Variants in CA10 observed in about 807,000 individuals in gnomAD.
The protein encoded by CA10 is carbonic anhydrase 10 (inactive).
A neutral mutation model predicts 44.2 loss-of-function variants in CA10; 14 were observed. The ratio of observed to expected loss-of-function variants is 0.32; its 90% confidence interval spans 0.21 to 0.50. The LOEUF (loss-of-function observed/expected upper bound fraction) is 0.50. CA10 is among the 20% of genes least tolerant of loss of function. CA10 has a pLI of 0.99. For synonymous variants in CA10, 159 were observed against 141.6 expected (o/e 1.12, Z -0.87); for missense variants, 350 against 409.7 (o/e 0.85, Z 1.26).
chr17:51,678,920 G>A (rs1253372861), intron 4 of CA10, among the ~76,000 whole-genome samples: 6 of 152,158 alleles, frequency 3.9e-5, no homozygotes, highest in Non-Finnish European at 5.9e-5. Context: ...AGGAAACTAA[G>A]CTTTGGGAGA....
intron 4 of CA10, among the ~76,000 whole-genome samples, chr17:51,665,247 G>C (rs1432912838): frequency 6.6e-6 from 1 of 152,104 alleles, no homozygotes. Context: ...AACACACACT[G>C]GTTTATTTCA....
At chr17:51,856,361 A>AAAC (rs3033577) in intron 3 of CA10, among the ~76,000 whole-genome samples, 31,118 of 150,380 alleles carry the variant, frequency 0.21, 3,911 homozygotes, top group Admixed American at 0.28. Flanking sequence ...CATTTCAGTA[A>AAAC]AACAACAACA....
At chr17:51,825,232 A>T (rs1397970087) in intron 3 of CA10, among the ~76,000 whole-genome samples, 2 of 152,260 alleles carry the variant, frequency 1.3e-5, no homozygotes, top group Non-Finnish European at 2.9e-5. Flanking sequence ...GAATGCATAA[A>T]ACTGCTGAAG....
At chr17:51,947,347 A>G (rs1156829237) in intron 2 of CA10, among the ~76,000 whole-genome samples, 1 of 152,100 alleles carries the variant, frequency 6.6e-6, no homozygotes, top group Non-Finnish European at 1.5e-5. Context: ...AGAGCCTCAT[A>G]AAATCCGACA....
chr17:51,861,185 A>C (rs1042487648), intron 3 of CA10, among the ~76,000 whole-genome samples: 2 of 152,082 alleles, frequency 1.3e-5, no homozygotes, highest in African/African-American at 4.8e-5. Flanking sequence ...CACGGGAGAG[A>C]TCTGATACTC....
chr17:51,741,824 T>C (rs1904472984), intron 4 of CA10, among the ~76,000 whole-genome samples: 1 of 152,238 alleles, frequency 6.6e-6, no homozygotes, highest in Admixed American at 6.5e-5. Flanking sequence ...ATGATCAATA[T>C]AAAATTCCCA....
intron 4 of CA10, among the ~76,000 whole-genome samples, chr17:51,704,492 C>A (rs1414722278): frequency 6.6e-6 from 1 of 152,226 alleles, no homozygotes; most frequent in East Asian, 1.9e-4. Flanking sequence ...TCAAGGAATG[C>A]TCTCTAAGAT....
chr17:51,862,407 C>A (rs920442317), intron 3 of CA10, among the ~76,000 whole-genome samples: 2 of 150,490 alleles, frequency 1.3e-5, no homozygotes, highest in African/African-American at 5.0e-5. Flanking sequence ...TGAGACAGAA[C>A]CAGCCTTTAA....
At chr17:51,727,071 T>C (rs1916550995) in intron 4 of CA10, among the ~76,000 whole-genome samples, 1 of 152,226 alleles carries the variant, frequency 6.6e-6, no homozygotes, top group Admixed American at 6.5e-5. Flanking sequence ...AGCTATTTGC[T>C]AAACCTCTTC....
chr17:51,824,601 G>C (rs1489146451), intron 3 of CA10, among the ~76,000 whole-genome samples: 5 of 152,116 alleles, frequency 3.3e-5, no homozygotes, highest in Admixed American at 6.6e-5. Flanking sequence ...TTTTGCCTCA[G>C]ACTTCAATAT....
intron 1 of CA10, among the ~76,000 whole-genome samples, chr17:52,113,520 C>T (rs1354690400): frequency 6.6e-6 from 1 of 152,114 alleles, no homozygotes; most frequent in Non-Finnish European, 1.5e-5. Context: ...GAAAGCAAGA[C>T]AAGCCCATGA....
rs2143605799 is a variant in CA10 at position 51,747,672 on chromosome 17, C to T, written c.426G>A (p.Gly142=). The part of the protein sequence containing the change: ...RLHFGSEDSQ[G]SEHLLNGQAF... ...CCTGTCCATTGAGGAGGTGCTCCGA[C>T]CCTTGGCTGTCCTCACTCCCAAAGT... is the stretch of plus-strand genomic sequence containing the variant. Residue 142 remains glycine, a synonymous_variant, in exon 4 of 9, where the codon GGG becomes GGA. Coordinates refer to ENST00000451037, the MANE Select transcript of CA10 (RefSeq NM_020178.5). 3 of 1,614,088 alleles carry T rather than the reference C, an allele frequency of 1.9e-6. No individual in the cohort carries two copies. Among genetic ancestry groups the T allele is most frequent in the Middle Eastern group, 1.7e-4 (1 of 6,060 alleles).
chr17:51,766,643 G>A (rs988567376), intron 3 of CA10, among the ~76,000 whole-genome samples: 15 of 151,916 alleles, frequency 9.9e-5, no homozygotes, highest in African/African-American at 3.6e-4. Context: ...GCTTATTTTT[G>A]CTTATTTTTA....
chr17:51,738,241 C>T (rs1224100559), intron 4 of CA10, among the ~76,000 whole-genome samples: 6 of 152,160 alleles, frequency 3.9e-5, no homozygotes, highest in African/African-American at 7.2e-5. Flanking sequence ...AAAAGTTTAT[C>T]GATATGTCAG....
chr17:51,819,619 C>G (rs1189710952), intron 3 of CA10, among the ~76,000 whole-genome samples: 1 of 152,174 alleles, frequency 6.6e-6, no homozygotes, highest in Non-Finnish European at 1.5e-5. Context: ...TCTGAAGTCA[C>G]CTAGCAGATT....
At chr17:51,877,849 A>G (rs888765437) in intron 3 of CA10, among the ~76,000 whole-genome samples, 1 of 152,128 alleles carries the variant, frequency 6.6e-6, no homozygotes, top group African/African-American at 2.4e-5. Context: ...AGGTATAAAA[A>G]CACAGTGATT....
chr17:51,934,802 G>A (rs2144003041), intron 2 of CA10, among the ~76,000 whole-genome samples: 1 of 152,254 alleles, frequency 6.6e-6, no homozygotes, highest in Middle Eastern at 3.4e-3. Flanking sequence ...GCTGTTAGGA[G>A]CGGTGTTAAG....
intron 3 of CA10, among the ~76,000 whole-genome samples, chr17:51,831,723 G>C (rs995670024): frequency 8.6e-6 from 1 of 116,484 alleles, no homozygotes; most frequent in South Asian, 2.7e-4. Context: ...AGCAGCAGCA[G>C]CAGCAGCAGA....
intron 2 of CA10, among the ~76,000 whole-genome samples, chr17:52,047,809 TC>T (rs1169634212): frequency 6.6e-6 from 1 of 151,934 alleles, no homozygotes; most frequent in Admixed American, 6.6e-5. Context: ...GGAATTTATT[TC>T]CCTGATTAGA....
Sources: gnomAD v4.1 joint callset for allele counts (sites outside exome capture counted in the v4.1 genomes callset) on GRCh38, gnomAD v4.1.1 for gene constraint, MANE v1.5 for transcripts, NCBI Gene and HGNC (gene_info 2026-07-23, HGNC 2026-07-21) for gene names.